Variants in GALNT17 observed in about 807,000 individuals in gnomAD.
GALNT17 encodes the protein polypeptide N-acetylgalactosaminyltransferase 17, also known as UDP-GalNAc:polypeptide N-acetylgalactosaminyltransferase-like 3.
GALNT17 carries 29 observed loss-of-function variants against 63.7 expected under a neutral mutation model. The observed-to-expected ratio is 0.46, with a 90% CI of 0.34 to 0.62. GALNT17 has a LOEUF of 0.62. Ranked by LOEUF, GALNT17 falls within the 20% of genes least tolerant of loss-of-function variation. The probability of loss-of-function intolerance (pLI) is 0.01; values close to 1 mark genes in which losing one functional copy is unlikely to be tolerated. For missense variants in GALNT17, 603 were observed against 799.6 expected (o/e 0.75, Z 2.97); for synonymous variants, 305 against 318.3 (o/e 0.96, Z 0.45).
chr7:71,554,423 G>A (rs1789129549), intron 5 of GALNT17, among the ~76,000 whole-genome samples: 1 of 152,180 alleles, frequency 6.6e-6, no homozygotes, highest in Non-Finnish European at 1.5e-5. Context: ...TGGACTGTGA[G>A]TCCATTAAAC....
chr7:71,477,588 G>A (rs752562472), intron 5 of GALNT17, among the ~76,000 whole-genome samples: 15 of 152,112 alleles, frequency 9.9e-5, no homozygotes, highest in Non-Finnish European at 1.9e-4. Context: ...TACAGTCTCA[G>A]CTACTCAAGA....
intron 1 of GALNT17, among the ~76,000 whole-genome samples, chr7:71,140,192 G>C (rs986326080): frequency 1.2e-4 from 18 of 152,200 alleles, no homozygotes; most frequent in African/African-American, 4.3e-4. Context: ...ATTAAAATCA[G>C]TTGCTGCAGG....
At chr7:71,453,470 A>G (rs929911825) in intron 5 of GALNT17, among the ~76,000 whole-genome samples, 1 of 152,222 alleles carries the variant, frequency 6.6e-6, no homozygotes, top group Non-Finnish European at 1.5e-5. Flanking sequence ...AACCAAGCAT[A>G]AAAGATTTCC....
intron 3 of GALNT17, among the ~76,000 whole-genome samples, chr7:71,397,912 AATT>A (rs1159950797): frequency 6.6e-6 from 1 of 151,366 alleles, no homozygotes; most frequent in East Asian, 1.9e-4. Context: ...CTTCTTTCAG[AATT>A]TTGATGGTTT....
intron 6 of GALNT17, among the ~76,000 whole-genome samples, chr7:71,622,567 A>T (rs1398000974): frequency 6.6e-6 from 1 of 152,096 alleles, no homozygotes; most frequent in Non-Finnish European, 1.5e-5. Flanking sequence ...CTTGCCCATG[A>T]CAACATGAAG....
intron 1 of GALNT17, among the ~76,000 whole-genome samples, chr7:71,217,871 T>C (rs1243140344): frequency 1.3e-5 from 2 of 151,070 alleles, no homozygotes; most frequent in East Asian, 3.9e-4. Flanking sequence ...GAGCTTGCAA[T>C]GAGCCGAGAT....
chr7:71,388,158 C>A (rs974912779), intron 2 of GALNT17, 77 bp from the exon 3 acceptor site: 3 of 1,500,544 alleles, frequency 2.0e-6, no homozygotes, highest in Non-Finnish European at 2.7e-6. Flanking sequence ...CGGCTGAAAT[C>A]TTACACTATG....
chr7:71,167,656 G>C (rs1051199002), intron 1 of GALNT17, among the ~76,000 whole-genome samples: 2 of 151,960 alleles, frequency 1.3e-5, no homozygotes, highest in African/African-American at 4.8e-5. Flanking sequence ...TGTCTAAAAC[G>C]CCTTGTCATG....
intron 1 of GALNT17, among the ~76,000 whole-genome samples, chr7:71,170,490 C>T (rs369797614): frequency 1.3e-5 from 2 of 152,094 alleles, no homozygotes; most frequent in South Asian, 4.2e-4. Flanking sequence ...CACATGCGAT[C>T]ACCCCTGGCT....
At chr7:71,236,825 G>GA (rs1205900406) in intron 1 of GALNT17, among the ~76,000 whole-genome samples, 1 of 152,204 alleles carries the variant, frequency 6.6e-6, no homozygotes, top group Non-Finnish European at 1.5e-5. Flanking sequence ...CGTGCTGGGA[G>GA]AAAATAATAA....
intron 5 of GALNT17, among the ~76,000 whole-genome samples, chr7:71,475,970 GATA>G (rs1350288823): frequency 1.4e-5 from 2 of 146,666 alleles, no homozygotes; most frequent in East Asian, 5.6e-4. Context: ...AAATTTTAGT[GATA>G]CTACTACTCC....
intron 1 of GALNT17, among the ~76,000 whole-genome samples, chr7:71,224,430 C>T (rs1789644987): frequency 6.6e-6 from 1 of 152,164 alleles, no homozygotes; most frequent in African/African-American, 2.4e-5. Context: ...TATTAGCTGT[C>T]ATCTAAACAA....
intron 6 of GALNT17, among the ~76,000 whole-genome samples, chr7:71,645,058 G>T (rs1256279361): frequency 1.3e-5 from 2 of 152,164 alleles, no homozygotes; most frequent in Admixed American, 1.3e-4. Flanking sequence ...GCAGGGTTGT[G>T]CTTTACTTAG....
intron 6 of GALNT17, among the ~76,000 whole-genome samples, chr7:71,631,320 G>A (rs1311321927): frequency 6.6e-6 from 1 of 151,686 alleles, no homozygotes; most frequent in Non-Finnish European, 1.5e-5. Flanking sequence ...TACCTCCTGA[G>A]TAGCTGGTAC....
intron 4 of GALNT17, among the ~76,000 whole-genome samples, chr7:71,417,166 G>A (rs1786549153): frequency 6.6e-6 from 1 of 152,184 alleles, no homozygotes; most frequent in Non-Finnish European, 1.5e-5. Flanking sequence ...TCTTGAGTAA[G>A]TGTTGTTCAC....
chr7:71,388,525 TTTTTTC>T, intron 3 of GALNT17, 124 bp downstream of exon 3: 1 of 1,231,984 alleles, frequency 8.1e-7, no homozygotes, highest in Non-Finnish European at 1.1e-6. Flanking sequence ...GGAAGGGATA[TTTTTTC>T]TTTTTCTTTT....
chr7:71,484,389 G>A (rs1387285703), intron 5 of GALNT17, among the ~76,000 whole-genome samples: 2 of 152,156 alleles, frequency 1.3e-5, no homozygotes, highest in Non-Finnish European at 2.9e-5. Flanking sequence ...TCGGGTGGCT[G>A]AGGCAGGAGA....
intron 5 of GALNT17, among the ~76,000 whole-genome samples, chr7:71,437,725 A>G (rs1786991005): frequency 6.6e-6 from 1 of 151,894 alleles, no homozygotes; most frequent in African/African-American, 2.4e-5. Flanking sequence ...GTTTGTTTTA[A>G]ATTTTTTGAG....
intron 1 of GALNT17, among the ~76,000 whole-genome samples, chr7:71,318,428 G>T (rs116072751): frequency 0.62 from 85,727 of 139,258 alleles, 27,030 homozygotes; most frequent in African/African-American, 0.69. Flanking sequence ...TTTTGTGTGT[G>T]TGTGGGGGGT....
Sources: allele counts gnomAD v4.1 joint callset (sites outside exome capture counted in the v4.1 genomes callset), GRCh38; gene constraint gnomAD v4.1.1; transcripts MANE v1.5; gene names NCBI Gene and HGNC (gene_info 2026-07-23, HGNC 2026-07-21).